TCTN1: variants seen among roughly 807,000 people sequenced by gnomAD.
TCTN1 encodes the protein tectonic-1.
Under a neutral mutation model 65.8 loss-of-function variants are expected in TCTN1, and 58 were observed. The observed-to-expected ratio is 0.88, with a 90% CI of 0.71 to 1.10. The LOEUF is 1.10. TCTN1 is among the 50% of genes least tolerant of loss of function. The probability of loss-of-function intolerance (pLI) is 0.00; values close to 1 mark genes in which losing one functional copy is unlikely to be tolerated. For synonymous variants in TCTN1, 273 were observed against 289.1 expected (o/e 0.94, Z 0.57); for missense variants, 645 against 719.4 (o/e 0.90, Z 1.18).
chr12:110,631,052 C>T (rs375217935), intron 4 of TCTN1, among the ~76,000 whole-genome samples: 21 of 152,158 alleles, frequency 1.4e-4, no homozygotes, highest in African/African-American at 4.1e-4. Context: ...CTGCAACCTC[C>T]GCCTCTCAGG....
At position 110,632,506 on chromosome 12, in the gene TCTN1, T is replaced by A; in HGVS notation, c.659T>A (p.Leu220Gln). ...CCTCTGCAGACTTCAGATTCGTTTC[T>A]GAGATTTCCTTCGTCCCTGACATCA... ...GVPLQTSDSF[L>Q]RFPSSLTSSL... The change falls in exon 5 of 15, where the codon CTG becomes CAG. Residue 220 changes from leucine (L) to glutamine (Q), a missense_variant. By Grantham distance (113) the Leu-to-Gln change is moderately radical. Transcript: ENST00000397659. The A allele has an allele frequency of 1.2e-6, 2 of 1,613,738 alleles. No individual in the cohort carries two copies. Among genetic ancestry groups the A allele is most frequent in the Non-Finnish European group, 1.7e-6 (2 of 1,179,656 alleles).
intron 4 of TCTN1, chr12:110,630,095 G>A (rs1347315822): frequency 6.6e-6 from 1 of 152,104 alleles, no homozygotes; most frequent in Non-Finnish European, 1.5e-5. Context: ...CTAGGGGAGG[G>A]GATAGCATTA....
Position 110,614,212 on chromosome 12 carries a change from G to T in TCTN1, c.30G>T (p.Leu10=). The change falls in exon 1 of 15, where the codon CTG becomes CTT. Residue 10 remains leucine, a synonymous_variant. Transcript: ENST00000397659. MRPRGLPPL[L]VVLLGCWASV... The stretch of plus-strand genomic sequence containing the variant: ...GGCCGCGAGGTCTCCCGCCGCTCCT[G>T]GTGGTGCTCCTGGGCTGCTGGGCCT... 1 of 1,581,522 alleles carries T rather than the reference G, an allele frequency of 6.3e-7. No homozygotes were observed. Among genetic ancestry groups the T allele is most frequent in the Non-Finnish European group, 8.6e-7 (1 of 1,164,776 alleles).
chr12:110,628,688 T>A, intron 3 of TCTN1, 79 bp from the exon 4 acceptor site: 1 of 1,317,152 alleles, frequency 7.6e-7, no homozygotes, highest in African/African-American at 1.5e-5. Context: ...TTAAAAACTT[T>A]CCAAAACCTT....
chr12:110,628,621 G>T (rs920334786), intron 3 of TCTN1, 146 bp from the exon 4 acceptor site: 5 of 764,926 alleles, frequency 6.5e-6, no homozygotes, highest in Admixed American at 2.6e-5. Context: ...GATTACAGGC[G>T]TGAGCCCATG....
At position 110,644,960 on chromosome 12, in the gene TCTN1, C is replaced by T; in HGVS notation, c.1332-7C>T. 4.3e-6 allele frequency: 7 copies of T among 1,614,232 alleles called. No homozygotes were observed. Among genetic ancestry groups the T allele is most frequent in the Non-Finnish European group, 5.9e-6 (7 of 1,180,040 alleles). On this transcript the variant is annotated splice_polypyrimidine_tract_variant and splice_region_variant and intron_variant, in intron 11 of 14. Transcript: ENST00000397659. The surrounding 1 kb of genome is among the most constrained non-coding windows in gnomAD (Gnocchi z 4.6). ...TCATTCAGTTGACTTCTTTTTCCTT[C>T]ACCAAGACTGACTGGAGCTCTCCCG...
At position 110,647,281 on chromosome 12, in the gene TCTN1, C is replaced by T. The variant is rs761843987; in HGVS notation, c.1580C>T (p.Pro527Leu). 6.2e-7 allele frequency: 1 copy of T among 1,614,146 alleles called. No homozygotes were observed. The highest frequency in any genetic ancestry group is 1.1e-5 in the South Asian group (1 of 91,082). The change falls in exon 13 of 15, where the codon CCA becomes CTA. Residue 527 changes from proline to leucine, a missense_variant. Transcript: ENST00000397659. ...ACTAAATACGGATCCCTGCTGAATCCACAGGCCAAAATAGTCAATGTAACT... is the reference window on the plus strand; with the variant it reads ...ACTAAATACGGATCCCTGCTGAATCTACAGGCCAAAATAGTCAATGTAACT... ...KWTKYGSLLNPQAKIVNVTAN... is the reference protein window; with the variant it reads ...KWTKYGSLLNLQAKIVNVTAN...
intron 2 of TCTN1, among the ~76,000 whole-genome samples, chr12:110,621,219 A>G (rs781265513): frequency 4.4e-4 from 67 of 152,202 alleles, no homozygotes; most frequent in Non-Finnish European, 8.4e-4. Flanking sequence ...AAGTTTTAGC[A>G]ATTGATACTT....
At chr12:110,643,919 G>A (rs1266595922) in intron 11 of TCTN1, 1 of 152,172 alleles carries the variant, frequency 6.6e-6, no homozygotes, top group East Asian at 1.9e-4. Context: ...TGCTCCTCTT[G>A]CTTCAGCCTC....
intron 3 of TCTN1, 125 bp from the exon 4 acceptor site, chr12:110,628,642 A>G (rs1387209761): frequency 1.0e-5 from 9 of 899,070 alleles, no homozygotes; most frequent in Middle Eastern, 3.5e-4. Flanking sequence ...CGCCCAGCCA[A>G]GACACTATTT....
Position 110,635,461 on chromosome 12 carries a change from T to A in TCTN1, c.822+682T>A, listed in dbSNP as rs532441495. Among the ~76,000 whole-genome samples the A allele has an allele frequency of 7.1e-3, 1,075 of 151,092 alleles. 1 individual carries two copies. The highest frequency in any genetic ancestry group is 9.4e-3 in the Non-Finnish European group (636 of 67,658). On this transcript the variant is annotated intron_variant, in intron 6 of 14. Coordinates refer to ENST00000397659, the MANE Select transcript of TCTN1 (RefSeq NM_001082538.3). ...GAGACCCTGTCCCTACAAAAAATAA[T>A]AAAAAAAAACCTTTTGTGTCATGGT...
Position 110,647,873 on chromosome 12 carries a change from T to A in TCTN1, c.1760T>A (p.Phe587Tyr), listed in dbSNP as rs1482540986. 26 of 1,613,808 alleles carry A rather than the reference T, an allele frequency of 1.6e-5. No homozygotes were observed. Among genetic ancestry groups the A allele is most frequent in the East Asian group, 4.5e-5 (2 of 44,904 alleles). ...ATCAATGCCAGGCTGCCCTTTAACT[T>A]CTTCTTCCCGTTTGTTTGACGTAAG... ...PAINARLPFN[F>Y]FFPFV The change falls in exon 14 of 15, where the codon TTC (phenylalanine) becomes TAC (tyrosine). Residue 587 changes from phenylalanine to tyrosine, a missense_variant. Phe to Tyr is a conservative substitution (Grantham distance 22). Transcript: ENST00000397659.
chr12:110,624,706 C>A (rs1022829545), intron 2 of TCTN1, among the ~76,000 whole-genome samples: 2 of 152,028 alleles, frequency 1.3e-5, no homozygotes, highest in Non-Finnish European at 2.9e-5. Context: ...GTCTCCCCAG[C>A]AGCTGGAACT....
chr12:110,645,506 G>A (rs934614927), intron 12 of TCTN1: 79 of 324,570 alleles, frequency 2.4e-4, no homozygotes, highest in Non-Finnish European at 7.2e-5. Flanking sequence ...GGTGTCCCCC[G>A]AGCCCTCTCC....
chr12:110,637,312 G>C lies in TCTN1; in HGVS notation c.843+811G>C, dbSNP rs569353428. Among the ~76,000 whole-genome samples, 52 of 152,348 alleles carry C rather than the reference G, an allele frequency of 3.4e-4. 1 individual carries two copies. Among genetic ancestry groups the C allele is most frequent in the African/African-American group, 1.2e-3 (48 of 41,594 alleles). On this transcript the variant is annotated intron_variant, in intron 7 of 14. Coordinates refer to ENST00000397659, the MANE Select transcript of TCTN1 (RefSeq NM_001082538.3). ...AGGTGCTGGTGCGGCATCTGCGCAT[G>C]GGATGCACTCGGGATGGGGATGCAC...
At chr12:110,627,800 C>A in intron 3 of TCTN1, 1 of 580,092 alleles carries the variant, frequency 1.7e-6, no homozygotes, top group Non-Finnish European at 3.1e-6. Context: ...ATCCAAAGTA[C>A]ATGTACATGT....
chr12:110,641,270 C>T, intron 9 of TCTN1, 121 bp downstream of exon 9: 2 of 1,349,748 alleles, frequency 1.5e-6, no homozygotes. Flanking sequence ...GAACAGAGGG[C>T]TTTGTGTAGC....
At chr12:110,641,706 G>GCT in intron 10 of TCTN1, 79 bp downstream of exon 10, 1 of 1,400,502 alleles carries the variant, frequency 7.1e-7, no homozygotes, top group Non-Finnish European at 1.0e-6. Flanking sequence ...TATCGCTGAG[G>GCT]CTCCCCTGGG....
chr12:110,628,174 G>A (rs2065980767), intron 3 of TCTN1: 6 of 1,535,962 alleles, frequency 3.9e-6, no homozygotes, highest in Non-Finnish European at 1.7e-6. Flanking sequence ...ATCAGTCCAG[G>A]GGCTAGAGAA....
Sources: allele counts gnomAD v4.1 joint callset (sites outside exome capture counted in the v4.1 genomes callset), GRCh38; gene constraint gnomAD v4.1.1; non-coding constraint Gnocchi (gnomAD v3.1); transcripts MANE v1.5; gene names NCBI Gene and HGNC (gene_info 2026-07-23, HGNC 2026-07-21).